The following BNC2 variants were observed in gnomAD, a reference collection of about 807,000 sequenced individuals.
BNC2 encodes the protein zinc finger protein basonuclin-2.
A neutral mutation model predicts 76.3 loss-of-function variants in BNC2; 20 were observed. The observed-to-expected ratio is 0.26, with a 90% CI of 0.18 to 0.38. The LOEUF is 0.38. Among genes scored for constraint, BNC2 ranks in the 10% least tolerant of loss-of-function variants. The pLI, the probability that BNC2 is intolerant of heterozygous loss-of-function variation, is 1.00. For missense variants in BNC2, 1,382 were observed against 1,399.8 expected, an observed-to-expected ratio of 0.99 and a Z score of 0.20; for synonymous variants, 582 against 514.8, an observed-to-expected ratio of 1.13 and a Z score of -1.77.
intron 3 of BNC2, among the ~76,000 whole-genome samples, chr9:16,710,333 T>C (rs778164614): frequency 1.9e-4 from 29 of 152,212 alleles, no homozygotes; most frequent in Admixed American, 3.3e-4. Context: ...ACAGAGTCCA[T>C]TGAAAATAAA....
chr9:16,463,208 G>C (rs1821622747), intron 5 of BNC2, among the ~76,000 whole-genome samples: 1 of 151,856 alleles, frequency 6.6e-6, no homozygotes. Flanking sequence ...GAGAGTGAAT[G>C]ACAGCACGTT....
At position 16,626,584 on chromosome 9, in the gene BNC2, G is replaced by C. The variant is rs1257857938; in HGVS notation, c.331-43499C>G. Among the ~76,000 whole-genome samples, 9 of 152,110 alleles carry C rather than the reference G, an allele frequency of 5.9e-5. No homozygotes were observed. The East Asian group carries it at 1.5e-3, about 26-fold the overall frequency. ...AAGACAGAGACCTGGTTGCAATTTA[G>C]TATTGGATTCAGAAGCCCAATTTAA... is the stretch of plus-strand genomic sequence containing the variant. On this transcript the variant is annotated intron_variant, in intron 3 of 6. Transcript: ENST00000380672.
Position 16,436,955 on chromosome 9 carries a change from A to G in BNC2, c.1239T>C (p.Asp413=), listed in dbSNP as rs483353011. 6.8e-6 allele frequency: 11 copies of G among 1,614,118 alleles called. No individual in the cohort carries two copies. Among genetic ancestry groups the G allele is most frequent in the South Asian group, 1.1e-5 (1 of 91,080 alleles). ...SPIQNSAPVS[D]LTKTEHPKSS... ...TTTTTGGGTGTTCAGTTTTGGTTAGATCACTGACTGGGGCAGAATTCTGAA... is the reference window on the plus strand; with the variant it reads ...TTTTTGGGTGTTCAGTTTTGGTTAGGTCACTGACTGGGGCAGAATTCTGAA... The change falls in exon 6 of 7, where the codon GAT becomes GAC. Residue 413 remains aspartate (D), a synonymous_variant. Coordinates refer to ENST00000380672, the MANE Select transcript of BNC2 (RefSeq NM_017637.6).
intron 3 of BNC2, among the ~76,000 whole-genome samples, chr9:16,677,211 G>T (rs1447615840): frequency 6.6e-6 from 1 of 152,268 alleles, no homozygotes; most frequent in South Asian, 2.1e-4. Flanking sequence ...CTGTCCGACA[G>T]TGTCAAGAGA....
intron 5 of BNC2, among the ~76,000 whole-genome samples, chr9:16,543,580 T>C (rs925243072): frequency 2.6e-5 from 4 of 152,176 alleles, no homozygotes; most frequent in Non-Finnish European, 4.4e-5. Flanking sequence ...CTGCATTCCA[T>C]CCTGGAATCT....
chr9:16,457,188 T>C (rs917711968), intron 5 of BNC2, among the ~76,000 whole-genome samples: 5 of 152,206 alleles, frequency 3.3e-5, no homozygotes, highest in Admixed American at 6.5e-5. Flanking sequence ...CAAAATGAAG[T>C]AGTCCTTAGG....
chr9:16,481,060 T>C (rs1822043378), intron 5 of BNC2, among the ~76,000 whole-genome samples: 1 of 152,180 alleles, frequency 6.6e-6, no homozygotes, highest in Non-Finnish European at 1.5e-5. Flanking sequence ...TCAAGGTTTG[T>C]AAACGCACCA....
rs755684997 is a variant in BNC2, at chr9:16,630,749, C to CTTTTTTTTTTTTTTTTTTT, written c.331-47665_331-47664insAAAAAAAAAAAAAAAAAAA. Among the ~76,000 whole-genome samples the CTTTTTTTTTTTTTTTTTTT allele has an allele frequency of 3.6e-5, 5 of 140,198 alleles. 1 individual carries two copies. The highest frequency in any genetic ancestry group is 8.4e-5 in the African/African-American group (3 of 35,724). 92.0% of individuals were successfully genotyped at this position (140,198 alleles called of 152,430 possible). A position where few individuals can be genotyped will look rare whatever the true frequency, so the allele number is the denominator to read the frequency against. ...TATTATTTAAAAATGTGGAGCGTTT[C>CTTTTTTTTTTTTTTTTTTT]TTTTTTTGAAACAGAGTTTCACTCT... On this transcript the variant is annotated intron_variant, in intron 3 of 6. Coordinates refer to ENST00000380672, the MANE Select transcript of BNC2 (RefSeq NM_017637.6).
At chr9:16,659,714 T>C (rs1822052368) in intron 3 of BNC2, among the ~76,000 whole-genome samples, 1 of 152,166 alleles carries the variant, frequency 6.6e-6, no homozygotes, top group South Asian at 2.1e-4. Flanking sequence ...GGGCTTGCTC[T>C]CTCATTTTAT....
intron 3 of BNC2, among the ~76,000 whole-genome samples, chr9:16,641,691 G>A (rs562800380): frequency 3.3e-5 from 5 of 152,208 alleles, no homozygotes; most frequent in African/African-American, 1.2e-4. Flanking sequence ...AAAACTTCTA[G>A]TCCAAATAAA....
chr9:16,589,342 C>T (rs182979392), intron 3 of BNC2, among the ~76,000 whole-genome samples: 1 of 152,054 alleles, frequency 6.6e-6, no homozygotes, highest in Non-Finnish European at 1.5e-5. Flanking sequence ...CACACCACCA[C>T]TTCTGGCTAA....
chr9:16,845,118 C>T (rs1008970199), intron 1 of BNC2, among the ~76,000 whole-genome samples: 1 of 152,310 alleles, frequency 6.6e-6, no homozygotes, highest in South Asian at 2.1e-4. Context: ...TGGGGGCCAA[C>T]CTTCCCAGGC....
At chr9:16,441,772 TTTATTGTATTTAAC>T (rs1417859070) in intron 5 of BNC2, among the ~76,000 whole-genome samples, 2 of 152,224 alleles carry the variant, frequency 1.3e-5, no homozygotes, top group Non-Finnish European at 2.9e-5. Context: ...TCAATTTATT[TTTATTGTATTTAAC>T]TTAAGTATTG....
intron 5 of BNC2, among the ~76,000 whole-genome samples, chr9:16,519,839 C>T (rs937172494): frequency 2.0e-5 from 3 of 152,146 alleles, no homozygotes; most frequent in African/African-American, 7.2e-5. Flanking sequence ...TGAAACAACA[C>T]CAAAGACTGT....
At chr9:16,726,097 T>C (rs575057078) in intron 3 of BNC2, among the ~76,000 whole-genome samples, 1 of 152,256 alleles carries the variant, frequency 6.6e-6, no homozygotes, top group East Asian at 1.9e-4. Context: ...GTACTAAGGT[T>C]AGCGAAAACA....
At chr9:16,432,801 A>C (rs990274952) in intron 6 of BNC2, among the ~76,000 whole-genome samples, 7 of 152,222 alleles carry the variant, frequency 4.6e-5, no homozygotes, top group South Asian at 4.1e-4. Flanking sequence ...CTGTTGGCTC[A>C]AGAAAAAGGT....
At chr9:16,710,782 G>A (rs1823814021) in intron 3 of BNC2, among the ~76,000 whole-genome samples, 1 of 151,826 alleles carries the variant, frequency 6.6e-6, no homozygotes, top group Non-Finnish European at 1.5e-5. Context: ...AAAGACTTCA[G>A]TACATTTGTG....
intron 5 of BNC2, among the ~76,000 whole-genome samples, chr9:16,456,934 G>A (rs1712055725): frequency 6.6e-6 from 1 of 152,138 alleles, no homozygotes; most frequent in Non-Finnish European, 1.5e-5. Flanking sequence ...TCAGTAAGAA[G>A]AATTCTAGTT....
intron 3 of BNC2, among the ~76,000 whole-genome samples, chr9:16,705,502 G>A (rs1220174153): frequency 6.6e-6 from 1 of 152,176 alleles, no homozygotes; most frequent in Non-Finnish European, 1.5e-5. Context: ...AATTTCTGCA[G>A]AGCCACACAC....
Sources: allele counts gnomAD v4.1 joint callset (sites outside exome capture counted in the v4.1 genomes callset), GRCh38; gene constraint gnomAD v4.1.1; transcripts MANE v1.5; gene names NCBI Gene and HGNC (gene_info 2026-07-23, HGNC 2026-07-21).